Variants in NKAIN2 observed in about 807,000 individuals in gnomAD.
NKAIN2 encodes the protein sodium/potassium transporting ATPase interacting 2, also known as sodium/potassium-transporting ATPase subunit beta-1-interacting protein 2.
NKAIN2 carries 14 observed loss-of-function variants against 32.6 expected under a neutral mutation model. That is an observed-to-expected ratio of 0.43 (90% CI 0.28 to 0.67). The LOEUF is 0.67. Among genes scored for constraint, NKAIN2 ranks in the 30% least tolerant of loss-of-function variants. NKAIN2 has a pLI of 0.17. For synonymous variants in NKAIN2, 80 were observed against 87.2 expected (o/e 0.92, Z 0.46); for missense variants, 198 against 258.3 (o/e 0.77, Z 1.60).
At chr6:124,429,101 G>GA (rs1180353964) in intron 3 of NKAIN2, among the ~76,000 whole-genome samples, 1 of 152,042 alleles carries the variant, frequency 6.6e-6, no homozygotes, top group Non-Finnish European at 1.5e-5. Context: ...GCAATGGTGG[G>GA]ATCTCTGCTC....
At chr6:124,609,298 A>G (rs1453985783) in intron 3 of NKAIN2, among the ~76,000 whole-genome samples, 1 of 152,226 alleles carries the variant, frequency 6.6e-6, no homozygotes, top group Non-Finnish European at 1.5e-5. Flanking sequence ...AAAGAAAAGG[A>G]AAGAAAGACA....
chr6:124,307,605 C>CT (rs1372226746), intron 2 of NKAIN2, among the ~76,000 whole-genome samples: 3 of 152,078 alleles, frequency 2.0e-5, no homozygotes, highest in Non-Finnish European at 4.4e-5. Context: ...AAGTGGAAAG[C>CT]TTTTAATATA....
intron 2 of NKAIN2, among the ~76,000 whole-genome samples, chr6:124,347,975 T>G (rs1798518024): frequency 6.6e-6 from 1 of 152,146 alleles, no homozygotes; most frequent in African/African-American, 2.4e-5. Context: ...TTTATCTACT[T>G]TTGGTCTTTG....
At chr6:124,331,131 A>G (rs541242717) in intron 2 of NKAIN2, among the ~76,000 whole-genome samples, 1 of 152,088 alleles carries the variant, frequency 6.6e-6, no homozygotes, top group African/African-American at 2.4e-5. Context: ...GGCACCCCAA[A>G]GTTTTATAGG....
At chr6:124,173,468 C>A (rs1388311192) in intron 1 of NKAIN2, among the ~76,000 whole-genome samples, 1 of 152,018 alleles carries the variant, frequency 6.6e-6, no homozygotes, top group African/African-American at 2.4e-5. Context: ...GACTAAATTT[C>A]CTCAAAGATT....
intron 4 of NKAIN2, among the ~76,000 whole-genome samples, chr6:124,722,355 C>T (rs1218238562): frequency 1.3e-5 from 2 of 152,134 alleles, no homozygotes; most frequent in Non-Finnish European, 2.9e-5. Context: ...CTAGATGATA[C>T]AGCATTTTAT....
chr6:123,984,350 C>T (rs1471460484), intron 1 of NKAIN2, among the ~76,000 whole-genome samples: 1 of 151,758 alleles, frequency 6.6e-6, no homozygotes, highest in Non-Finnish European at 1.5e-5. Context: ...TTATGGATAT[C>T]CAAGGCTTTG....
At chr6:123,826,313 T>C (rs1774145579) in intron 1 of NKAIN2, among the ~76,000 whole-genome samples, 1 of 152,190 alleles carries the variant, frequency 6.6e-6, no homozygotes, top group African/African-American at 2.4e-5. Context: ...TGTTTTACTT[T>C]ATTAAGACAA....
chr6:123,832,723 T>C (rs1187487115), intron 1 of NKAIN2, among the ~76,000 whole-genome samples: 2 of 152,220 alleles, frequency 1.3e-5, no homozygotes, highest in Non-Finnish European at 2.9e-5. Flanking sequence ...CCAGGTGATA[T>C]ATGATGTGGA....
At chr6:124,619,259 G>T (rs1331599304) in intron 3 of NKAIN2, among the ~76,000 whole-genome samples, 1 of 152,132 alleles carries the variant, frequency 6.6e-6, no homozygotes, top group African/African-American at 2.4e-5. Flanking sequence ...ATGGAAGCAT[G>T]ATAGTTAAAA....
intron 3 of NKAIN2, among the ~76,000 whole-genome samples, chr6:124,599,083 T>A (rs774061223): frequency 9.9e-5 from 15 of 150,778 alleles, no homozygotes; most frequent in Non-Finnish European, 1.9e-4. Flanking sequence ...ACCGAAAATA[T>A]CATCACAGGG....
chr6:124,484,826 C>T (rs1184670376), intron 3 of NKAIN2, among the ~76,000 whole-genome samples: 1 of 152,060 alleles, frequency 6.6e-6, no homozygotes, highest in Non-Finnish European at 1.5e-5. Context: ...TATATACATG[C>T]ATGTGTGTAT....
In NKAIN2 at chr6:124,244,076, T is replaced by TTA. The variant is rs536262468; in HGVS notation, c.55-38929_55-38928insTA. Among the ~76,000 whole-genome samples the TTA allele has an allele frequency of 3.7e-3, 566 of 151,500 alleles. 2 individuals carry two copies. Among genetic ancestry groups the TTA allele is most frequent in the Non-Finnish European group, 6.0e-3 (405 of 67,880 alleles). On this transcript the variant is annotated intron_variant, in intron 1 of 6. Transcript: ENST00000368417. ...TTCTGTAAAAGATATCTTTTTTTTT[T>TTA]AATAATTTAATTAGTTCTTTTTTTT...
intron 3 of NKAIN2, among the ~76,000 whole-genome samples, chr6:124,425,453 G>C (rs965827999): frequency 6.6e-6 from 1 of 151,928 alleles, no homozygotes; most frequent in Non-Finnish European, 1.5e-5. Flanking sequence ...AATAAGTAGG[G>C]CTACACCAAA....
rs570867528 is a variant in NKAIN2, at chr6:123,868,726, A to T, written c.54+64472A>T. Among the ~76,000 whole-genome samples, 58 of 152,312 alleles carry T rather than the reference A, an allele frequency of 3.8e-4. 1 individual carries two copies. The highest frequency in any genetic ancestry group is 1.3e-3 in the African/African-American group (54 of 41,580). ...AGTTGATTACAAACTAAATTGCCCC[A>T]TTGGCTTCCTCATTTAACATCTTAC... On this transcript the variant is annotated intron_variant, in intron 1 of 6. Coordinates refer to ENST00000368417, the MANE Select transcript of NKAIN2 (RefSeq NM_001040214.3).
intron 2 of NKAIN2, among the ~76,000 whole-genome samples, chr6:124,321,829 A>G (rs529161061): frequency 6.6e-6 from 1 of 152,328 alleles, no homozygotes; most frequent in South Asian, 2.1e-4. Flanking sequence ...AGAAAATACT[A>G]TGCTGAAGTC....
At chr6:124,306,791 G>A (rs1796521555) in intron 2 of NKAIN2, among the ~76,000 whole-genome samples, 2 of 152,196 alleles carry the variant, frequency 1.3e-5, no homozygotes, top group Middle Eastern at 3.4e-3. Flanking sequence ...AATCTTAATG[G>A]CCATTATTCA....
At chr6:124,603,346 T>G (rs1231835273) in intron 3 of NKAIN2, among the ~76,000 whole-genome samples, 1 of 151,960 alleles carries the variant, frequency 6.6e-6, no homozygotes, top group Non-Finnish European at 1.5e-5. Flanking sequence ...GAAATGGTTT[T>G]GTTGATATTC....
At chr6:123,865,178 A>G (rs1775934752) in intron 1 of NKAIN2, among the ~76,000 whole-genome samples, 1 of 152,134 alleles carries the variant, frequency 6.6e-6, no homozygotes, top group African/African-American at 2.4e-5. Context: ...CTGACAAATT[A>G]ATATATAAAA....
Sources: gnomAD v4.1 joint callset for allele counts (sites outside exome capture counted in the v4.1 genomes callset) on GRCh38, gnomAD v4.1.1 for gene constraint, MANE v1.5 for transcripts, NCBI Gene and HGNC (gene_info 2026-07-23, HGNC 2026-07-21) for gene names.